KLF12: variants seen among roughly 807,000 people sequenced by gnomAD.
KLF12 encodes Krueppel-like factor 12.
In KLF12, 9 loss-of-function variants were observed where a neutral mutation model predicts 37.8. That is an observed-to-expected ratio of 0.24 (90% CI 0.14 to 0.42). The LOEUF (loss-of-function observed/expected upper bound fraction) is 0.42. Among genes scored for constraint, KLF12 ranks in the 10% least tolerant of loss-of-function variants. KLF12 has a pLI of 1.00. For missense variants in KLF12, 411 were observed against 516.0 expected, an observed-to-expected ratio of 0.80 and a Z score of 1.97; for synonymous variants, 208 against 202.1, an observed-to-expected ratio of 1.03 and a Z score of -0.25.
At chr13:73,707,446 A>G (rs1875037191) in intron 7 of KLF12, among the ~76,000 whole-genome samples, 1 of 152,218 alleles carries the variant, frequency 6.6e-6, no homozygotes, top group African/African-American at 2.4e-5. Flanking sequence ...ATGTCTCAGC[A>G]GTTACCAATA....
At chr13:74,131,061 A>G (rs1878237247) in intron 1 of KLF12, among the ~76,000 whole-genome samples, 1 of 152,188 alleles carries the variant, frequency 6.6e-6, no homozygotes, top group South Asian at 2.1e-4. Flanking sequence ...ATTAACCAAC[A>G]CTGGCTTGAA....
chr13:73,817,104 C>T, intron 4 of KLF12, among the ~76,000 whole-genome samples: 1 of 151,978 alleles, frequency 6.6e-6, no homozygotes, highest in Middle Eastern at 3.2e-3. Context: ...ACTGCTTGAG[C>T]CCAGGAGTTT....
chr13:73,938,966 T>G (rs1475110226), intron 3 of KLF12, among the ~76,000 whole-genome samples: 1 of 152,200 alleles, frequency 6.6e-6, no homozygotes, highest in Non-Finnish European at 1.5e-5. Context: ...CAGAAAGGAA[T>G]CTGTCTTCCA....
chr13:74,109,546 A>T (rs1876857130), intron 1 of KLF12, among the ~76,000 whole-genome samples: 2 of 152,218 alleles, frequency 1.3e-5, no homozygotes, highest in Non-Finnish European at 2.9e-5. Flanking sequence ...AAACTTCCTC[A>T]TGTATTAGTT....
At chr13:73,997,326 G>GATAATA (rs142901588) in intron 1 of KLF12, among the ~76,000 whole-genome samples, 10 of 151,790 alleles carry the variant, frequency 6.6e-5, no homozygotes, top group Admixed American at 5.3e-4. Flanking sequence ...AAGAAGCAAG[G>GATAATA]ATAATAATAA....
intron 1 of KLF12, among the ~76,000 whole-genome samples, chr13:74,006,660 C>T (rs369402154): frequency 3.3e-5 from 5 of 152,170 alleles, no homozygotes; most frequent in African/African-American, 1.2e-4. Flanking sequence ...CTATTTTTCC[C>T]TCAATGAACT....
intron 3 of KLF12, among the ~76,000 whole-genome samples, chr13:73,921,239 C>T (rs2139218344): frequency 6.6e-6 from 1 of 152,196 alleles, no homozygotes; most frequent in South Asian, 2.1e-4. Flanking sequence ...TTCCTGTGTA[C>T]TGACCCATAA....
At chr13:73,916,863 C>A (rs763980264) in intron 3 of KLF12, among the ~76,000 whole-genome samples, 5 of 152,198 alleles carry the variant, frequency 3.3e-5, no homozygotes, top group Non-Finnish European at 7.3e-5. Flanking sequence ...CAAGGACTGA[C>A]TTTGAGCTCC....
intron 4 of KLF12, among the ~76,000 whole-genome samples, chr13:73,819,823 G>A (rs950072577): frequency 3.3e-5 from 5 of 152,202 alleles, no homozygotes; most frequent in African/African-American, 1.2e-4. Flanking sequence ...AGTAAGAGAA[G>A]CTTGCAGGTG....
chr13:74,010,055 G>A (rs572772016), intron 1 of KLF12, among the ~76,000 whole-genome samples: 1 of 151,784 alleles, frequency 6.6e-6, no homozygotes, highest in South Asian at 2.1e-4. Context: ...GCTCAAGCAA[G>A]CCTCCCACTT....
chr13:73,992,926 CA>C (rs1892009034), intron 2 of KLF12, among the ~76,000 whole-genome samples: 1 of 152,126 alleles, frequency 6.6e-6, no homozygotes, highest in Non-Finnish European at 1.5e-5. Flanking sequence ...TATGAAAAAT[CA>C]TTTTTTAAAC....
At chr13:73,947,478 C>CT (rs1173322884) in intron 2 of KLF12, among the ~76,000 whole-genome samples, 1 of 151,968 alleles carries the variant, frequency 6.6e-6, no homozygotes, top group African/African-American at 2.4e-5. Context: ...TAGTCAAACT[C>CT]TGTCTCTACA....
At chr13:74,165,210 A>G in the KLF12 span, among the ~76,000 whole-genome samples, 1 of 152,170 alleles carries the variant, frequency 6.6e-6, no homozygotes, top group South Asian at 2.1e-4. Flanking sequence ...TAAAAATTAA[A>G]AAGTTTTAAA....
intron 5 of KLF12, among the ~76,000 whole-genome samples, chr13:73,807,803 C>T (rs1368828729): frequency 6.6e-6 from 1 of 152,210 alleles, no homozygotes; most frequent in South Asian, 2.1e-4. Flanking sequence ...TTTCACCCCA[C>T]TCTTCCTCTC....
intron 7 of KLF12, among the ~76,000 whole-genome samples, chr13:73,707,003 T>G (rs1006036980): frequency 2.0e-5 from 3 of 152,180 alleles, no homozygotes; most frequent in Non-Finnish European, 4.4e-5. Context: ...CAGATTAAAG[T>G]CTCTTGCTCT....
chr13:74,254,626 A>G, the KLF12 span, among the ~76,000 whole-genome samples: 1 of 152,188 alleles, frequency 6.6e-6, no homozygotes, highest in Non-Finnish European at 1.5e-5. Flanking sequence ...GAATCTAGAA[A>G]TTCTCAACTG....
chr13:74,145,457 G>A, the KLF12 span, among the ~76,000 whole-genome samples: 3 of 152,124 alleles, frequency 2.0e-5, no homozygotes, highest in Non-Finnish European at 4.4e-5. Context: ...ACATGCATGA[G>A]TTCACTGGGC....
At chr13:74,296,806 A>G in the KLF12 span, among the ~76,000 whole-genome samples, 1 of 152,316 alleles carries the variant, frequency 6.6e-6, no homozygotes, top group African/African-American at 2.4e-5. Context: ...AAATCATGCA[A>G]ATTGCTGTGT....
intron 5 of KLF12, among the ~76,000 whole-genome samples, chr13:73,795,485 C>T (rs1881910142): frequency 6.6e-6 from 1 of 152,180 alleles, no homozygotes; most frequent in Non-Finnish European, 1.5e-5. Context: ...ATGAGAATTT[C>T]CTTCTGGTGT....
Sources: gnomAD v4.1 joint callset for allele counts (sites outside exome capture counted in the v4.1 genomes callset) on GRCh38, gnomAD v4.1.1 for gene constraint, MANE v1.5 for transcripts, NCBI Gene and HGNC (gene_info 2026-07-23, HGNC 2026-07-21) for gene names.